ZSWIM8: variants seen among roughly 807,000 people sequenced by gnomAD.
ZSWIM8 encodes the protein zinc finger SWIM domain-containing protein 8.
Under a neutral mutation model 173.7 loss-of-function variants are expected in ZSWIM8, and 27 were observed. That is an observed-to-expected ratio of 0.16 (90% CI 0.11 to 0.21). The LOEUF (loss-of-function observed/expected upper bound fraction) is 0.21. Among genes scored for constraint, ZSWIM8 ranks in the 10% least tolerant of loss-of-function variants. The pLI, the probability that ZSWIM8 is intolerant of heterozygous loss-of-function variation, is 1.00. For synonymous variants in ZSWIM8, 958 were observed against 962.0 expected, an observed-to-expected ratio of 1.00 and a Z score of 0.08; for missense variants, 1,627 against 2,428.8, an observed-to-expected ratio of 0.67 and a Z score of 6.94.
rs1416436528 is a variant in ZSWIM8, at chr10:73,785,850, G to A, written c.-29G>A. 4 of 1,474,896 alleles carry A rather than the reference G, an allele frequency of 2.7e-6. No homozygotes were observed. The highest frequency in any genetic ancestry group is 3.0e-5 in the East Asian group (1 of 33,784). 91.4% of individuals were successfully genotyped at this position (1,474,896 alleles called of 1,614,324 possible). A position where few individuals can be genotyped will look rare whatever the true frequency, so the allele number is the denominator to read the frequency against. ...GGCCCAGGCCCCGGATCCGCGGGGGGGGACCCGGCCCCGGGGGGTGCGGGC... is the reference window on the plus strand; with the variant it reads ...GGCCCAGGCCCCGGATCCGCGGGGGAGGACCCGGCCCCGGGGGGTGCGGGC... On this transcript the variant is annotated 5_prime_UTR_variant, in exon 1 of 26. Coordinates refer to ENST00000604729, the MANE Select transcript of ZSWIM8 (RefSeq NM_001367799.1).
chr10:73,793,358 C>G (rs1323076345), intron 10 of ZSWIM8, among the ~76,000 whole-genome samples: 1 of 152,212 alleles, frequency 6.6e-6, no homozygotes, highest in East Asian at 1.9e-4. Flanking sequence ...GATACTGTCC[C>G]TGTGCCCCAA....
chr10:73,791,376 G>A lies in ZSWIM8; in HGVS notation c.1196G>A (p.Ser399Asn), dbSNP rs1166829705. The change falls in exon 9 of 26, where the codon AGT becomes AAT. Residue 399 changes from serine (S) to asparagine (N), a missense_variant. Physicochemically the swap from Ser to Asn is conservative, Grantham distance 46. This residue lies in a region of ZSWIM8 where 103 missense variants were observed against 155.6 expected (regional missense o/e 0.66). Transcript: ENST00000604729. The surrounding 1 kb of genome is among the most constrained non-coding windows in gnomAD (Gnocchi z 6.0). Reference protein sequence around the residue: ...VRTSASHSSASGHTGRSNGQS... With the variant: ...VRTSASHSSANGHTGRSNGQS... ...ACCTCAGCCTCACACAGCAGTGCCA[G>A]TGGGCACACGGGCCGTAGCAACGGG... 8 of 1,613,842 alleles carry A rather than the reference G, an allele frequency of 5.0e-6. No individual in the cohort carries two copies. The highest frequency in any genetic ancestry group is 6.8e-6 in the Non-Finnish European group (8 of 1,179,724).
At position 73,791,886 on chromosome 10, in the gene ZSWIM8, G is replaced by A. The variant is rs1384188687; in HGVS notation, c.1347G>A (p.Arg449=). 8 of 1,541,252 alleles carry A rather than the reference G, an allele frequency of 5.2e-6. No homozygotes were observed. In the East Asian group the frequency reaches 2.0e-4, roughly 38 times the overall value. Residue 449 remains arginine, a synonymous_variant, in exon 10 of 26, where the codon CGG becomes CGA. Transcript: ENST00000604729. This position sits in a 1 kb window ranked among gnomAD's most constrained non-coding sequence, Gnocchi z 6.0. ...QRRRELCTQL[R]QWQLKVIENV... Reference sequence around the variant, plus strand: ...GCCGGGAACTGTGTACGCAGCTGCGGCAGTGGCAACTGAAGGTGATTGAGA... The same window carrying A: ...GCCGGGAACTGTGTACGCAGCTGCGACAGTGGCAACTGAAGGTGATTGAGA...
Position 73,785,841 on chromosome 10 carries a change from C to T in ZSWIM8, c.-38C>T. 4 of 1,468,546 alleles carry T rather than the reference C, an allele frequency of 2.7e-6. No homozygotes were observed. The highest frequency in any genetic ancestry group is 3.6e-6 in the Non-Finnish European group (4 of 1,107,476). 91.0% of individuals were successfully genotyped at this position (1,468,546 alleles called of 1,614,324 possible). A position where few individuals can be genotyped will look rare whatever the true frequency, so the allele number is the denominator to read the frequency against. On this transcript the variant is annotated 5_prime_UTR_variant, in exon 1 of 26. Transcript: ENST00000604729. ...CCGGCCGGCGGCCCAGGCCCCGGAT[C>T]CGCGGGGGGGGACCCGGCCCCGGGG... is the stretch of plus-strand genomic sequence containing the variant.
chr10:73,789,295 G>A lies in ZSWIM8; in HGVS notation c.458-72G>A. 1.3e-6 allele frequency: 2 copies of A among 1,583,876 alleles called. No individual in the cohort carries two copies. Among genetic ancestry groups the A allele is most frequent in the Non-Finnish European group, 1.7e-6 (2 of 1,162,428 alleles). On this transcript the variant is annotated intron_variant, in intron 3 of 25. Coordinates refer to ENST00000604729, the MANE Select transcript of ZSWIM8 (RefSeq NM_001367799.1). The surrounding 1 kb of genome is among the most constrained non-coding windows in gnomAD (Gnocchi z 6.8). The stretch of plus-strand genomic sequence containing the variant: ...GCTGGAGCATGTTGTCTGAATAACT[G>A]CAGGGCCAGGGTCAAGGGCAGAGAC...
rs2083453405 is a variant in ZSWIM8 at position 73,792,504 on chromosome 10, C to T, written c.1965C>T (p.Gly655=). The change falls in exon 10 of 26, where the codon GGC becomes GGT. Residue 655 remains glycine, a synonymous_variant. Transcript: ENST00000604729. This position sits in a 1 kb window ranked among gnomAD's most constrained non-coding sequence, Gnocchi z 4.3. ...PPCPLHGGSR[G]PSTFLPEPPD... ...GTCCTCTCCACGGTGGCTCCCGAGG[C>T]CCTTCCACTTTCCTTCCTGAGCCCC... The T allele has an allele frequency of 1.2e-6, 2 of 1,613,560 alleles. No individual in the cohort carries two copies. The highest frequency in any genetic ancestry group is 1.3e-5 in the African/African-American group (1 of 74,926).
chr10:73,792,482 C>A lies in ZSWIM8; in HGVS notation c.1943C>A (p.Pro648His). ...TTCCCTGAGAGCCCTCCACCCTGTC[C>A]TCTCCACGGTGGCTCCCGAGGCCCT... The part of the protein sequence containing the change: ...GGFPESPPPC[P>H]LHGGSRGPST... The change falls in exon 10 of 26, where the codon CCT becomes CAT. Residue 648 changes from proline (P) to histidine (H), a missense_variant. Around this residue, in one of 18 missense-constraint regions of ZSWIM8, gnomAD observed 383 missense variants for 394.8 expected, o/e 0.97. Coordinates refer to ENST00000604729, the MANE Select transcript of ZSWIM8 (RefSeq NM_001367799.1). This position sits in a 1 kb window ranked among gnomAD's most constrained non-coding sequence, Gnocchi z 4.3. The A allele has an allele frequency of 6.2e-7, 1 of 1,612,292 alleles. No homozygotes were observed. The highest frequency in any genetic ancestry group is 8.5e-7 in the Non-Finnish European group (1 of 1,179,102).
In ZSWIM8 at chr10:73,801,366, T is replaced by C. The variant is rs769732558; in HGVS notation, c.5352T>C (p.Phe1784=). The change falls in exon 26 of 26, where the codon TTT becomes TTC. Residue 1784 remains phenylalanine, a synonymous_variant. Transcript: ENST00000604729. This position sits in a 1 kb window ranked among gnomAD's most constrained non-coding sequence, Gnocchi z 4.9. The part of the protein sequence containing the change: ...IHLTPADYDD[F]VNAIRSARSA... The stretch of plus-strand genomic sequence containing the variant: ...TGACTCCTGCGGACTACGACGACTT[T>C]GTGAATGCGATCCGGAGTGCCCGCA... 80 of 1,613,846 alleles carry C rather than the reference T, an allele frequency of 5.0e-5. 1 individual carries two copies. Among genetic ancestry groups the C allele is most frequent in the Non-Finnish European group, 4.9e-5 (58 of 1,179,874 alleles).
chr10:73,790,929 C>A, intron 7 of ZSWIM8, 46 bp from the exon 8 acceptor site: 1 of 1,537,474 alleles, frequency 6.5e-7, no homozygotes, highest in Non-Finnish European at 8.8e-7. Context: ...AGGTTTCATT[C>A]AGCCCCGTCT....
In ZSWIM8 at chr10:73,789,256, A is replaced by G. The variant is rs1301433857; in HGVS notation, c.457+66A>G. ...CCATCCCCTGGCTTATGAAGTAAGA[A>G]CACACCGCAAGAAGCTGGAGCATGT... On this transcript the variant is annotated intron_variant, in intron 3 of 25. Coordinates refer to ENST00000604729, the MANE Select transcript of ZSWIM8 (RefSeq NM_001367799.1). The surrounding 1 kb of genome is among the most constrained non-coding windows in gnomAD (Gnocchi z 6.8). 1 of 1,607,888 alleles carries G rather than the reference A, an allele frequency of 6.2e-7. No homozygotes were observed. Among genetic ancestry groups the G allele is most frequent in the African/African-American group, 1.3e-5 (1 of 74,792 alleles).
intron 1 of ZSWIM8, 128 bp downstream of exon 1, chr10:73,786,214 C>A: frequency 8.9e-7 from 1 of 1,118,778 alleles, no homozygotes; most frequent in Non-Finnish European, 1.2e-6. Context: ...GGAGCTGTCC[C>A]CGGCCGGGAG....
At position 73,797,571 on chromosome 10, in the gene ZSWIM8, G is replaced by A; in HGVS notation, c.3628G>A (p.Gly1210Arg). 1 of 1,613,912 alleles carries A rather than the reference G, an allele frequency of 6.2e-7. No individual in the cohort carries two copies. Among genetic ancestry groups the A allele is most frequent in the Non-Finnish European group, 8.5e-7 (1 of 1,179,858 alleles). ...SSGSRRASAS[G>R]GARAKTVEVG... The stretch of plus-strand genomic sequence containing the variant: ...TGGAAGTCGCCGGGCCAGTGCCAGT[G>A]GAGGAGCCCGGGCGAAGACTGTTGA... Residue 1210 changes from glycine to arginine, a missense_variant, in exon 18 of 26, where the codon GGA becomes AGA. Coordinates refer to ENST00000604729, the MANE Select transcript of ZSWIM8 (RefSeq NM_001367799.1). The surrounding 1 kb of genome is among the most constrained non-coding windows in gnomAD (Gnocchi z 5.6).
intron 2 of ZSWIM8, 136 bp downstream of exon 2, chr10:73,788,959 C>A: frequency 7.7e-7 from 1 of 1,303,688 alleles, no homozygotes; most frequent in Non-Finnish European, 1.1e-6. Context: ...GCCTGGGATT[C>A]CACTCCCTCC....
At position 73,801,004 on chromosome 10, in the gene ZSWIM8, C is replaced by G. The variant is rs534712016; in HGVS notation, c.5123-13C>G. 2.0e-6 allele frequency: 3 copies of G among 1,537,532 alleles called. No homozygotes were observed. In the East Asian group the frequency reaches 7.4e-5, roughly 38 times the overall value. On this transcript the variant is annotated splice_polypyrimidine_tract_variant and intron_variant, in intron 24 of 25. Transcript: ENST00000604729. The surrounding 1 kb of genome is among the most constrained non-coding windows in gnomAD (Gnocchi z 4.9). ...GGCCACCCCCGTCTCATGCCCCTCC[C>G]CCTGCCCCCCAGGAGTGAACTACGT...
In ZSWIM8 at chr10:73,791,112, G is replaced by A; in HGVS notation, c.1079G>A (p.Arg360Gln). 1.2e-6 allele frequency: 2 copies of A among 1,613,662 alleles called. No individual in the cohort carries two copies. Among genetic ancestry groups the A allele is most frequent in the Admixed American group, 1.7e-5 (1 of 59,980 alleles). ...AGCATTGTGCGGGAGATGTTCAAGC[G>A]GAGGGACAGCAATGCTGCCCCCTTG... ...LLSIVREMFK[R>Q]RDSNAAPLLE... The change falls in exon 8 of 26, where the codon CGG becomes CAG. Residue 360 changes from arginine (R) to glutamine (Q), a missense_variant. Coordinates refer to ENST00000604729, the MANE Select transcript of ZSWIM8 (RefSeq NM_001367799.1). This position sits in a 1 kb window ranked among gnomAD's most constrained non-coding sequence, Gnocchi z 6.0.
chr10:73,795,743 A>G lies in ZSWIM8; in HGVS notation c.3033+80A>G, dbSNP rs571687395. 14 of 1,490,662 alleles carry G rather than the reference A, an allele frequency of 9.4e-6. No homozygotes were observed. In the African/African-American group the frequency reaches 2.0e-4, roughly 21 times the overall value. 92.3% of individuals were successfully genotyped at this position (1,490,662 alleles called of 1,614,324 possible). A position where few individuals can be genotyped will look rare whatever the true frequency, so the allele number is the denominator to read the frequency against. ...GAGGCAGAGGCGGGCAGATGGCTTGAGCCCAGGAGTTTGAGACAAGCCTGG... is the reference window on the plus strand; with the variant it reads ...GAGGCAGAGGCGGGCAGATGGCTTGGGCCCAGGAGTTTGAGACAAGCCTGG... On this transcript the variant is annotated intron_variant, in intron 15 of 25. Transcript: ENST00000604729.
At chr10:73,790,148 T>G (rs370917390) in intron 6 of ZSWIM8, 24 bp from the exon 7 acceptor site, 19 of 1,611,108 alleles carry the variant, frequency 1.2e-5, no homozygotes, top group African/African-American at 4.0e-5. Flanking sequence ...TATCTCTAGA[T>G]GACTGACTGC....
intron 21 of ZSWIM8, 148 bp from the exon 22 acceptor site, chr10:73,799,863 A>G (rs181706207): frequency 3.9e-6 from 3 of 772,240 alleles, no homozygotes; most frequent in African/African-American, 1.7e-5. Context: ...CAGTGAGCCG[A>G]TATCGTGCCA....
intron 20 of ZSWIM8, 84 bp from the exon 21 acceptor site, chr10:73,798,918 T>G: frequency 6.6e-7 from 1 of 1,519,030 alleles, no homozygotes; most frequent in Non-Finnish European, 8.9e-7. Flanking sequence ...GAGACAGCTC[T>G]GAGGGAGACA....
Sources: gnomAD v4.1 joint callset for allele counts (sites outside exome capture counted in the v4.1 genomes callset) on GRCh38, gnomAD v4.1.1 for gene constraint, gnomAD v4.1.1 regional missense constraint, Gnocchi (gnomAD v3.1) non-coding constraint, MANE v1.5 for transcripts, NCBI Gene and HGNC (gene_info 2026-07-23, HGNC 2026-07-21) for gene names.